RALYL: variants seen among roughly 807,000 people sequenced by gnomAD.
The protein encoded by RALYL is RALY RNA binding protein like.
Under a neutral mutation model 35.1 loss-of-function variants are expected in RALYL, and 29 were observed. The observed-to-expected ratio is 0.83, with a 90% confidence interval of 0.61 to 1.13. The LOEUF (loss-of-function observed/expected upper bound fraction) is 1.13, where lower values mean the gene tolerates loss of function less well. Among genes scored for constraint, RALYL ranks in the 50% most tolerant of loss-of-function variants. The pLI is 0.00. For synonymous variants in RALYL, 120 were observed against 127.6 expected, an observed-to-expected ratio of 0.94 and a Z score of 0.40; for missense variants, 359 against 360.4, an observed-to-expected ratio of 1.00 and a Z score of 0.03.
At chr8:84,783,805 A>G (rs1215679770) in intron 3 of RALYL, among the ~76,000 whole-genome samples, 1 of 152,142 alleles carries the variant, frequency 6.6e-6, no homozygotes, top group East Asian at 1.9e-4. Flanking sequence ...AAGGGAGGGA[A>G]ATCTCTTTCT....
At chr8:84,510,502 T>C (rs1338087962) in intron 1 of RALYL, among the ~76,000 whole-genome samples, 1 of 152,118 alleles carries the variant, frequency 6.6e-6, no homozygotes, top group African/African-American at 2.4e-5. Context: ...TTTTTCACCA[T>C]GCTCTGATCA....
intron 1 of RALYL, among the ~76,000 whole-genome samples, chr8:84,322,266 C>CA (rs1805849164): frequency 1.3e-5 from 2 of 151,894 alleles, no homozygotes; most frequent in African/African-American, 2.4e-5. Flanking sequence ...TATTCTGTGC[C>CA]CATAACAGAC....
At chr8:84,669,419 A>G in intron 2 of RALYL, among the ~76,000 whole-genome samples, 1 of 145,276 alleles carries the variant, frequency 6.9e-6, no homozygotes, top group Non-Finnish European at 1.5e-5. Flanking sequence ...ACATGGGTAT[A>G]TTGCATCCAG....
chr8:84,649,731 T>A (rs886757665), intron 2 of RALYL, among the ~76,000 whole-genome samples: 2 of 152,146 alleles, frequency 1.3e-5, no homozygotes, highest in African/African-American at 4.8e-5. Flanking sequence ...TCCAGCTTTG[T>A]TCTTTTGGCT....
chr8:84,549,392 A>G (rs2060570575), intron 2 of RALYL, among the ~76,000 whole-genome samples: 1 of 152,206 alleles, frequency 6.6e-6, no homozygotes, highest in South Asian at 2.1e-4. Context: ...AGGTGGATCA[A>G]AACAGACTTG....
At chr8:84,291,080 G>A (rs1838692199) in intron 1 of RALYL, among the ~76,000 whole-genome samples, 1 of 151,964 alleles carries the variant, frequency 6.6e-6, no homozygotes, top group Non-Finnish European at 1.5e-5. Context: ...AACCCTACAA[G>A]CTCATTGTAA....
At chr8:84,778,225 G>A (rs1817309988) in intron 3 of RALYL, among the ~76,000 whole-genome samples, 1 of 152,154 alleles carries the variant, frequency 6.6e-6, no homozygotes, top group Non-Finnish European at 1.5e-5. Context: ...TAAGTGAACT[G>A]CCGCCAGACT....
chr8:84,352,296 T>C (rs1049869475), intron 1 of RALYL, among the ~76,000 whole-genome samples: 1 of 149,980 alleles, frequency 6.7e-6, no homozygotes, highest in African/African-American at 2.5e-5. Flanking sequence ...TTAGAACCTC[T>C]GAAAAAACTG....
chr8:84,209,375 C>A (rs1818894288), intron 1 of RALYL, among the ~76,000 whole-genome samples: 1 of 152,126 alleles, frequency 6.6e-6, no homozygotes, highest in Non-Finnish European at 1.5e-5. Flanking sequence ...CCGTAAAAAA[C>A]ACAAATTTAG....
At chr8:84,245,125 T>C (rs1449843559) in intron 1 of RALYL, among the ~76,000 whole-genome samples, 3 of 152,140 alleles carry the variant, frequency 2.0e-5, no homozygotes, top group Non-Finnish European at 4.4e-5. Flanking sequence ...GTGAACTTCC[T>C]TGAACTTTGC....
chr8:84,340,729 T>C (rs1434144408), intron 1 of RALYL, among the ~76,000 whole-genome samples: 1 of 152,066 alleles, frequency 6.6e-6, no homozygotes, highest in East Asian at 1.9e-4. Flanking sequence ...AGTGGGTAGT[T>C]AAGGTGTTTC....
chr8:84,766,831 G>A (rs561892153), intron 2 of RALYL, among the ~76,000 whole-genome samples: 22 of 148,956 alleles, frequency 1.5e-4, no homozygotes, highest in African/African-American at 5.4e-4. Flanking sequence ...GGAGCCCAAA[G>A]TTATGCCTTT....
At chr8:84,674,729 A>C (rs1447012534) in intron 2 of RALYL, among the ~76,000 whole-genome samples, 2 of 152,312 alleles carry the variant, frequency 1.3e-5, no homozygotes, top group East Asian at 3.9e-4. Context: ...TAGCATATGG[A>C]GAATACTCAA....
At chr8:84,500,474 C>T (rs1351263321) in intron 1 of RALYL, among the ~76,000 whole-genome samples, 1 of 152,034 alleles carries the variant, frequency 6.6e-6, no homozygotes, top group Non-Finnish European at 1.5e-5. Flanking sequence ...TTATCAATGT[C>T]CTAGTATGAA....
intron 1 of RALYL, among the ~76,000 whole-genome samples, chr8:84,221,725 G>C (rs966543509): frequency 6.6e-6 from 1 of 151,894 alleles, no homozygotes; most frequent in Admixed American, 6.6e-5. Flanking sequence ...ATGACACATA[G>C]GGAAATCTAA....
At chr8:84,448,155 C>T (rs1420683149) in intron 1 of RALYL, among the ~76,000 whole-genome samples, 1 of 151,852 alleles carries the variant, frequency 6.6e-6, no homozygotes, top group African/African-American at 2.4e-5. Context: ...GAAGGAGTGG[C>T]CTCTCATATT....
At chr8:84,859,578 G>T (rs879921799) in intron 5 of RALYL, among the ~76,000 whole-genome samples, 1 of 152,154 alleles carries the variant, frequency 6.6e-6, no homozygotes, top group Non-Finnish European at 1.5e-5. Flanking sequence ...AGCCAGGCTT[G>T]GTGGCTCATG....
chr8:84,364,064 T>C (rs1853680381), intron 1 of RALYL, among the ~76,000 whole-genome samples: 1 of 152,174 alleles, frequency 6.6e-6, no homozygotes, highest in Non-Finnish European at 1.5e-5. Flanking sequence ...ATCTCTCAGT[T>C]TGCAAACTTA....
chr8:84,520,473 T>C (rs2134650969), intron 1 of RALYL, among the ~76,000 whole-genome samples: 1 of 152,326 alleles, frequency 6.6e-6, no homozygotes, highest in Non-Finnish European at 1.5e-5. Flanking sequence ...TAACTTTTCT[T>C]CTTTGTAAAA....
Sources: gnomAD v4.1 joint callset for allele counts (sites outside exome capture counted in the v4.1 genomes callset) on GRCh38, gnomAD v4.1.1 for gene constraint, MANE v1.5 for transcripts, NCBI Gene and HGNC (gene_info 2026-07-23, HGNC 2026-07-21) for gene names.